CYTH1: variants seen among roughly 807,000 people sequenced by gnomAD.
The protein encoded by CYTH1 is cytohesin 1.
CYTH1 carries 18 observed loss-of-function variants against 61.8 expected under a neutral mutation model. The ratio of observed to expected loss-of-function variants is 0.29; its 90% CI spans 0.20 to 0.43. The LOEUF (loss-of-function observed/expected upper bound fraction) is 0.43, where lower values mean the gene tolerates loss of function less well. CYTH1 is among the 20% of genes least tolerant of loss of function. The pLI is 1.00. For synonymous variants in CYTH1, 174 were observed against 184.3 expected (o/e 0.94, Z 0.45); for missense variants, 336 against 510.5 (o/e 0.66, Z 3.29).
intron 1 of CYTH1, among the ~76,000 whole-genome samples, chr17:78,711,218 C>T (rs1469755284): frequency 4.6e-5 from 7 of 150,936 alleles, no homozygotes; most frequent in Non-Finnish European, 8.8e-5. Context: ...GCCGAGATCC[C>T]GCCATTGCCC....
chr17:78,730,853 A>G (rs1233052767), intron 1 of CYTH1, among the ~76,000 whole-genome samples: 2 of 151,708 alleles, frequency 1.3e-5, no homozygotes, highest in Admixed American at 6.6e-5. Context: ...TTTAGTAGAG[A>G]TGGGGTTTCA....
At chr17:78,682,066 G>C (rs956397535) in intron 11 of CYTH1, among the ~76,000 whole-genome samples, 1 of 151,150 alleles carries the variant, frequency 6.6e-6, no homozygotes, top group Non-Finnish European at 1.5e-5. Flanking sequence ...CCTCTTACCC[G>C]GGCATATTCA....
In CYTH1 at chr17:78,676,079, T is replaced by C. The variant is rs564294661; in HGVS notation, c.*12A>G. 6.2e-7 allele frequency: 1 copy of C among 1,602,866 alleles called. No individual in the cohort carries two copies. The highest frequency in any genetic ancestry group is 8.5e-7 in the Non-Finnish European group (1 of 1,174,864). ...CCAAGGCCCCCGCAGACCAACGCCC[T>C]TGGCTGCACGCTCAGTGTCGCTTCG... On this transcript the variant is annotated 3_prime_UTR_variant, in exon 14 of 14. Transcript: ENST00000446868.
At chr17:78,692,751 G>C (rs1299146430) in intron 10 of CYTH1, among the ~76,000 whole-genome samples, 1 of 152,034 alleles carries the variant, frequency 6.6e-6, no homozygotes, top group Non-Finnish European at 1.5e-5. Flanking sequence ...GGCAGGATGA[G>C]CATGGGTTTG....
In CYTH1 at chr17:78,701,892, G is replaced by A. The variant is rs562336882; in HGVS notation, c.357-141C>T. ...AGACAGCCACTTGTGCACACTGTCC[G>A]CAAGAAGACTGGCTAGCTCTGCTGA... On this transcript the variant is annotated intron_variant, in intron 5 of 13. Transcript: ENST00000446868. 5.1e-5 allele frequency: 44 copies of A among 855,674 alleles called. 1 individual carries two copies. In the South Asian group the frequency reaches 6.0e-4, roughly 12 times the overall value. The allele number at this position is 855,674 out of a possible 1,614,324, so 53.0% of individuals were successfully genotyped here.
At chr17:78,762,740 G>C (rs560283348) in intron 1 of CYTH1, among the ~76,000 whole-genome samples, 1 of 152,266 alleles carries the variant, frequency 6.6e-6, no homozygotes, top group South Asian at 2.1e-4. Flanking sequence ...TGAGAGGTGA[G>C]ACTCAATCAG....
chr17:78,781,311 T>A (rs974367324), intron 1 of CYTH1, among the ~76,000 whole-genome samples: 1 of 152,270 alleles, frequency 6.6e-6, no homozygotes. Context: ...ATTCTTCCTT[T>A]TAATTCCTCA....
intron 1 of CYTH1, among the ~76,000 whole-genome samples, chr17:78,718,975 A>T (rs933234566): frequency 2.6e-5 from 4 of 152,222 alleles, no homozygotes; most frequent in Admixed American, 2.6e-4. Context: ...GGGGTACAAC[A>T]CTGAAGAGAC....
intron 1 of CYTH1, among the ~76,000 whole-genome samples, chr17:78,731,555 C>T (rs911779780): frequency 2.0e-5 from 3 of 151,942 alleles, no homozygotes; most frequent in South Asian, 4.1e-4. Flanking sequence ...GTCAGGAGAT[C>T]GAGACCATCC....
chr17:78,774,045 T>A (rs139023743), intron 1 of CYTH1, among the ~76,000 whole-genome samples: 1 of 151,710 alleles, frequency 6.6e-6, no homozygotes, highest in African/African-American at 2.4e-5. Context: ...CAAATTCAGT[T>A]TGTTTGCTTG....
intron 1 of CYTH1, among the ~76,000 whole-genome samples, chr17:78,714,061 G>A (rs1038475586): frequency 1.8e-4 from 27 of 152,296 alleles, no homozygotes; most frequent in African/African-American, 5.3e-4. Context: ...AGGCTGAGAA[G>A]GGTGGATCAC....
At chr17:78,766,889 G>C (rs2093450957) in intron 1 of CYTH1, among the ~76,000 whole-genome samples, 1 of 152,220 alleles carries the variant, frequency 6.6e-6, no homozygotes, top group Admixed American at 6.6e-5. Context: ...CATGGAGCCT[G>C]AGAAATCTAG....
At chr17:78,680,722 G>A (rs894748675) in intron 12 of CYTH1, among the ~76,000 whole-genome samples, 2 of 152,184 alleles carry the variant, frequency 1.3e-5, no homozygotes, top group Non-Finnish European at 2.9e-5. Context: ...CGTGCTTGCC[G>A]CTGCCATTGC....
intron 1 of CYTH1, among the ~76,000 whole-genome samples, chr17:78,732,842 A>T (rs11651667): frequency 2.5e-3 from 380 of 152,284 alleles, no homozygotes; most frequent in Admixed American, 5.9e-3. Flanking sequence ...TAATCCCAGC[A>T]CTGTGGGAGG....
chr17:78,678,383 C>T (rs1233045143), intron 13 of CYTH1: 1 of 152,182 alleles, frequency 6.6e-6, no homozygotes, highest in African/African-American at 2.4e-5. Flanking sequence ...CGCGGTGGAG[C>T]AACAGGTGCA....
chr17:78,770,144 G>A (rs1214148115), intron 1 of CYTH1, among the ~76,000 whole-genome samples: 11 of 148,118 alleles, frequency 7.4e-5, no homozygotes, highest in Middle Eastern at 3.5e-3. Flanking sequence ...GCAAGACTTC[G>A]TCTCAAAAAA....
chr17:78,714,878 A>G (rs1035394668), intron 1 of CYTH1, among the ~76,000 whole-genome samples: 4 of 152,314 alleles, frequency 2.6e-5, no homozygotes, highest in African/African-American at 9.6e-5. Context: ...GAAAGAAAAA[A>G]AAAACCTTTA....
At chr17:78,735,813 T>A (rs1187641544) in intron 1 of CYTH1, among the ~76,000 whole-genome samples, 1 of 152,242 alleles carries the variant, frequency 6.6e-6, no homozygotes, top group African/African-American at 2.4e-5. Flanking sequence ...CGCATTTTAC[T>A]ATTTTGTCTT....
At position 78,708,247 on chromosome 17, in the gene CYTH1, C is replaced by T; in HGVS notation, c.120G>A (p.Glu40=). 3 of 1,613,326 alleles carry T rather than the reference C, an allele frequency of 1.9e-6. No individual in the cohort carries two copies. Among genetic ancestry groups the T allele is most frequent in the Non-Finnish European group, 2.5e-6 (3 of 1,179,816 alleles). The change falls in exon 3 of 14, where the codon GAG becomes GAA. Residue 40 remains glutamate, a synonymous_variant. Transcript: ENST00000446868. Reference sequence around the variant, plus strand: ...CAATTTCATTAGCTACTTCTGCTATCTCATCCTTCAGCCTCTATAAAACAG... The same window carrying T: ...CAATTTCATTAGCTACTTCTGCTATTTCATCCTTCAGCCTCTATAAAACAG... ...LLADIQRLKD[E]IAEVANEIEN...
Sources: gnomAD v4.1 joint callset for allele counts (sites outside exome capture counted in the v4.1 genomes callset) on GRCh38, gnomAD v4.1.1 for gene constraint, MANE v1.5 for transcripts, NCBI Gene and HGNC (gene_info 2026-07-23, HGNC 2026-07-21) for gene names.